Variants in DLG2 observed in about 807,000 individuals in gnomAD.
The protein encoded by DLG2 is disks large homolog 2.
In DLG2, 45 loss-of-function variants were observed where a neutral mutation model predicts 132.5. That is an observed-to-expected ratio of 0.34 (90% confidence interval 0.27 to 0.44). The LOEUF (loss-of-function observed/expected upper bound fraction) is 0.44, where lower values mean the gene tolerates loss of function less well. Ranked by LOEUF, DLG2 falls within the 20% of genes least tolerant of loss-of-function variation. The pLI is 1.00. For missense variants in DLG2, 1,045 were observed against 1,196.9 expected (o/e 0.87, Z 1.87); for synonymous variants, 424 against 419.6 (o/e 1.01, Z -0.13).
intron 18 of DLG2, among the ~76,000 whole-genome samples, chr11:83,675,291 TA>T (rs949332991): frequency 1.3e-4 from 20 of 152,352 alleles, no homozygotes; most frequent in Non-Finnish European, 2.5e-4. Flanking sequence ...GACATTTTGT[TA>T]ACAAATATTT....
chr11:85,520,515 C>CACACACA (rs1555170953), intron 3 of DLG2, among the ~76,000 whole-genome samples: 7 of 148,038 alleles, frequency 4.7e-5, no homozygotes, highest in Non-Finnish European at 1.0e-4. Flanking sequence ...GTATATGGAA[C>CACACACA]CACACACACA....
At chr11:84,853,235 G>A (rs1043854021) in intron 6 of DLG2, among the ~76,000 whole-genome samples, 6 of 151,900 alleles carry the variant, frequency 3.9e-5, no homozygotes, top group Admixed American at 2.6e-4. Context: ...TTATTTGTCT[G>A]GAGGCTACAG....
At chr11:84,033,052 G>A (rs1355823799) in intron 11 of DLG2, among the ~76,000 whole-genome samples, 1 of 152,180 alleles carries the variant, frequency 6.6e-6, no homozygotes, top group Admixed American at 6.5e-5. Context: ...CTCTTATGCA[G>A]ATGTGCAAAA....
chr11:83,467,764 A>AGTATATATATATAT (rs1565337995), intron 25 of DLG2, among the ~76,000 whole-genome samples: 1 of 77,984 alleles, frequency 1.3e-5, no homozygotes, highest in African/African-American at 5.2e-5. Context: ...AAAAATAAAA[A>AGTATATATATATAT]CTATATGTAT....
chr11:83,626,222 G>A (rs527480811), intron 19 of DLG2, among the ~76,000 whole-genome samples: 1 of 152,272 alleles, frequency 6.6e-6, no homozygotes, highest in African/African-American at 2.4e-5. Context: ...TCACTTCAGG[G>A]AGTCAATAGG....
chr11:84,245,672 G>A (rs1567050870), intron 8 of DLG2, among the ~76,000 whole-genome samples: 1 of 152,014 alleles, frequency 6.6e-6, no homozygotes, highest in Non-Finnish European at 1.5e-5. Flanking sequence ...CTCAGTGTTT[G>A]CCCTTAGACA....
At chr11:85,004,946 C>T (rs1174681578) in intron 6 of DLG2, among the ~76,000 whole-genome samples, 1 of 152,168 alleles carries the variant, frequency 6.6e-6, no homozygotes, top group East Asian at 1.9e-4. Context: ...CTGCATATGG[C>T]TAGCTAGTTT....
chr11:85,168,947 A>C (rs565644364), intron 4 of DLG2, among the ~76,000 whole-genome samples: 4 of 152,192 alleles, frequency 2.6e-5, no homozygotes. Context: ...AAGTAAAACA[A>C]GCAAAGTGCT....
chr11:85,294,612 G>A (rs1460145692), intron 3 of DLG2, among the ~76,000 whole-genome samples: 1 of 152,088 alleles, frequency 6.6e-6, no homozygotes. Flanking sequence ...ACTCCATGTG[G>A]TTGAACAGTT....
intron 6 of DLG2, among the ~76,000 whole-genome samples, chr11:84,583,519 T>C (rs1311391334): frequency 6.6e-6 from 1 of 152,212 alleles, no homozygotes; most frequent in African/African-American, 2.4e-5. Flanking sequence ...ACCCTAATGT[T>C]ATGTTTTTTG....
intron 6 of DLG2, among the ~76,000 whole-genome samples, chr11:84,698,230 G>A (rs1270045047): frequency 7.5e-6 from 1 of 133,028 alleles, no homozygotes; most frequent in Non-Finnish European, 1.6e-5. Context: ...ATAGCCATCT[G>A]ATCCGAACTT....
intron 18 of DLG2, among the ~76,000 whole-genome samples, chr11:83,652,482 C>T (rs184074493): frequency 1.5e-3 from 226 of 152,194 alleles, no homozygotes; most frequent in Non-Finnish European, 2.5e-3. Flanking sequence ...GCGTTTCTCC[C>T]ACCAAAGCCT....
At chr11:84,351,609 G>C (rs2098572449) in intron 7 of DLG2, among the ~76,000 whole-genome samples, 1 of 152,102 alleles carries the variant, frequency 6.6e-6, no homozygotes, top group Non-Finnish European at 1.5e-5. Flanking sequence ...TATTTTAACT[G>C]AGCGCCTGGA....
intron 7 of DLG2, among the ~76,000 whole-genome samples, chr11:84,284,289 C>A (rs1567176079): frequency 3.3e-5 from 5 of 152,196 alleles, no homozygotes; most frequent in African/African-American, 1.2e-4. Context: ...GAGAGTGATA[C>A]CTTGATGGGC....
At chr11:84,512,341 G>A (rs964746661) in intron 7 of DLG2, among the ~76,000 whole-genome samples, 1 of 152,062 alleles carries the variant, frequency 6.6e-6, no homozygotes, top group Non-Finnish European at 1.5e-5. Flanking sequence ...GGAACATAGA[G>A]AGCACTTCAG....
chr11:84,403,410 C>T (rs867257681), intron 7 of DLG2, among the ~76,000 whole-genome samples: 9 of 152,282 alleles, frequency 5.9e-5, no homozygotes, highest in African/African-American at 2.4e-5. Flanking sequence ...ATTGCCATTA[C>T]TGTTTATTTT....
At chr11:84,448,555 T>C (rs1468763084) in intron 7 of DLG2, among the ~76,000 whole-genome samples, 1 of 152,034 alleles carries the variant, frequency 6.6e-6, no homozygotes. Flanking sequence ...TCTGCAGCCC[T>C]ATCCACCTTA....
Position 85,243,383 on chromosome 11 carries a change from T to C in DLG2, c.186+41837A>G, listed in dbSNP as rs141621910. Among the ~76,000 whole-genome samples, 96 of 152,162 alleles carry C rather than the reference T, an allele frequency of 6.3e-4. 1 individual carries two copies. The East Asian group carries it at 0.017, about 27-fold the overall frequency. ...TTCAATTTTACATCCCAGACCCATA[T>C]AGCATCTGGCATGTAGCTGACATTT... On this transcript the variant is annotated intron_variant, in intron 4 of 27. Transcript: ENST00000376104.
chr11:84,174,014 CTTTTTTTT>C (rs11338428), intron 8 of DLG2, among the ~76,000 whole-genome samples: 1 of 61,218 alleles, frequency 1.6e-5, no homozygotes, highest in Admixed American at 2.6e-4. Context: ...ACCCCCCGGC[CTTTTTTTT>C]TTTTTTTTTT....
Sources: allele counts gnomAD v4.1 joint callset (sites outside exome capture counted in the v4.1 genomes callset), GRCh38; gene constraint gnomAD v4.1.1; transcripts MANE v1.5; gene names NCBI Gene and HGNC (gene_info 2026-07-23, HGNC 2026-07-21).